CABYR: variants seen among roughly 807,000 people sequenced by gnomAD.
The protein encoded by CABYR is calcium-binding tyrosine phosphorylation-regulated protein.
CABYR carries 31 observed loss-of-function variants against 36.1 expected under a neutral mutation model. The ratio of observed to expected loss-of-function variants is 0.86; its 90% CI spans 0.64 to 1.16. The LOEUF is 1.16. Among genes scored for constraint, CABYR ranks in the 50% most tolerant of loss-of-function variants. CABYR has a pLI of 0.00. For missense variants in CABYR, 429 were observed against 455.8 expected (o/e 0.94, Z 0.53); for synonymous variants, 146 against 160.7 (o/e 0.91, Z 0.69).
In CABYR at chr18:24,159,965, T is replaced by C; in HGVS notation, c.1035T>C (p.Ser345=). The change falls in exon 5 of 6, where the codon AGT becomes AGC. Residue 345 remains serine, a synonymous_variant. Transcript: ENST00000399496. ...AFPVEDVAKK[S]SGSGDKCAPF... ...CAGTAGAAGATGTAGCTAAAAAAAG[T>C]TCAGGATCTGGTGACAAATGTGCTC... 7 of 1,614,140 alleles carry C rather than the reference T, an allele frequency of 4.3e-6. No individual in the cohort carries two copies. The highest frequency in any genetic ancestry group is 5.9e-6 in the Non-Finnish European group (7 of 1,180,020).
chr18:24,146,389 T>C (rs2145859159), intron 3 of CABYR, among the ~76,000 whole-genome samples: 1 of 151,992 alleles, frequency 6.6e-6, no homozygotes, highest in Non-Finnish European at 1.5e-5. Context: ...ATGTAAGAGA[T>C]GTATATGGAA....
In CABYR at chr18:24,159,558, C is replaced by G; in HGVS notation, c.628C>G (p.His210Asp). 6.2e-7 allele frequency: 1 copy of G among 1,614,070 alleles called. No individual in the cohort carries two copies. The highest frequency in any genetic ancestry group is 8.5e-7 in the Non-Finnish European group (1 of 1,180,028). ...YCLTDKNQQG[H>D]PSPPPAPGPF... Reference sequence around the variant, plus strand: ...TCTAACTGATAAGAATCAACAAGGTCACCCATCACCGCCACCTGCACCTGG... The same window carrying G: ...TCTAACTGATAAGAATCAACAAGGTGACCCATCACCGCCACCTGCACCTGG... The change falls in exon 5 of 6, where the codon CAC becomes GAC. Residue 210 changes from histidine to aspartate, a missense_variant. By Grantham distance (81) the His-to-Asp change is moderately conservative. Transcript: ENST00000399496.
At chr18:24,154,359 A>G (rs2085717140) in intron 3 of CABYR, among the ~76,000 whole-genome samples, 1 of 152,152 alleles carries the variant, frequency 6.6e-6, no homozygotes, top group African/African-American at 2.4e-5. Flanking sequence ...TAAAAACTGG[A>G]TGGGAAAGTC....
intron 3 of CABYR, 74 bp from the exon 4 acceptor site, chr18:24,155,627 C>A: frequency 1.8e-6 from 2 of 1,139,194 alleles, no homozygotes; most frequent in South Asian, 1.6e-5. Context: ...CCTATTATTG[C>A]CTTCTTTAAA....
intron 3 of CABYR, among the ~76,000 whole-genome samples, chr18:24,151,330 C>G (rs1401454725): frequency 2.0e-5 from 3 of 152,116 alleles, no homozygotes; most frequent in African/African-American, 7.2e-5. Flanking sequence ...TAGTTATGTT[C>G]CTAATTCTCA....
chr18:24,159,419 A>T, intron 4 of CABYR, 53 bp from the exon 5 acceptor site: 1 of 1,209,370 alleles, frequency 8.3e-7, no homozygotes, highest in Non-Finnish European at 1.2e-6. Flanking sequence ...TACTATGCAT[A>T]GTGCCTGATA....
At chr18:24,147,439 T>C (rs1425353824) in intron 3 of CABYR, among the ~76,000 whole-genome samples, 1 of 152,196 alleles carries the variant, frequency 6.6e-6, no homozygotes, top group African/African-American at 2.4e-5. Context: ...TTACGATTTC[T>C]ATTTAGCTTT....
chr18:24,149,825 G>A (rs1252925222), intron 3 of CABYR, among the ~76,000 whole-genome samples: 1 of 152,248 alleles, frequency 6.6e-6, no homozygotes, highest in Non-Finnish European at 1.5e-5. Context: ...CCCGGGGCTG[G>A]CAGGGCCGGC....
chr18:24,160,364 T>G (rs1012639239), intron 5 of CABYR: 1 of 324,208 alleles, frequency 3.1e-6, no homozygotes, highest in Non-Finnish European at 5.6e-6. Context: ...AACACAGTGG[T>G]AGATGCGAAA....
chr18:24,153,431 G>A (rs1461363050), intron 3 of CABYR, among the ~76,000 whole-genome samples: 1 of 152,156 alleles, frequency 6.6e-6, no homozygotes, highest in African/African-American at 2.4e-5. Context: ...GCTAATGAGT[G>A]CGAATTCTCC....
intron 3 of CABYR, among the ~76,000 whole-genome samples, chr18:24,148,103 CTT>C (rs1041312036): frequency 6.6e-6 from 1 of 152,148 alleles, no homozygotes; most frequent in African/African-American, 2.4e-5. Context: ...GAAAGGAACA[CTT>C]TTGCAAGTTT....
chr18:24,150,539 T>G (rs2085593945), intron 3 of CABYR: 1 of 970,790 alleles, frequency 1.0e-6, no homozygotes, highest in Admixed American at 6.2e-5. Context: ...CTTTGATAGA[T>G]GGTGCAACTA....
chr18:24,157,147 T>G, intron 4 of CABYR: 2 of 641,104 alleles, frequency 3.1e-6, no homozygotes, highest in South Asian at 4.1e-5. Context: ...AAGACTTTGT[T>G]GTATTTGAGA....
intron 3 of CABYR, among the ~76,000 whole-genome samples, chr18:24,143,844 A>T (rs1011759405): frequency 2.6e-5 from 4 of 151,998 alleles, no homozygotes; most frequent in Admixed American, 1.3e-4. Context: ...CATAGTTATA[A>T]AGACTCAAAT....
chr18:24,142,136 A>G (rs1160915999), intron 1 of CABYR, among the ~76,000 whole-genome samples: 1 of 152,132 alleles, frequency 6.6e-6, no homozygotes, highest in Non-Finnish European at 1.5e-5. Flanking sequence ...CCTGGCCAAG[A>G]TGGTGAAACC....
At position 24,160,045 on chromosome 18, in the gene CABYR, G is replaced by A. The variant is rs144780313; in HGVS notation, c.1115G>A (p.Arg372His). 1,466 of 1,612,538 alleles carry A rather than the reference G, an allele frequency of 9.1e-4. 19 individuals are homozygous for A. The Admixed American group carries it at 0.013, about 14-fold the overall frequency. The change falls in exon 5 of 6, where the codon CGT becomes CAT. Residue 372 changes from arginine to histidine, a missense_variant. Coordinates refer to ENST00000399496, the MANE Select transcript of CABYR (RefSeq NM_153769.3). ...GTAACCGTGACTACTGCTCACAAAC[G>A]TCGCAAAGCAGAAACTGAAAACTGG... Reference protein sequence around the residue: ...GEVTVTTAHKRRKAETEN With the variant: ...GEVTVTTAHKHRKAETEN
At chr18:24,156,441 G>C (rs372529233) in intron 4 of CABYR, 1 of 1,614,020 alleles carries the variant, frequency 6.2e-7, no homozygotes, top group African/African-American at 1.3e-5. Context: ...GCAACTGCCA[G>C]AACAAATAGT....
At chr18:24,148,169 T>C (rs903298732) in intron 3 of CABYR, among the ~76,000 whole-genome samples, 28 of 152,308 alleles carry the variant, frequency 1.8e-4, no homozygotes, top group African/African-American at 6.7e-4. Context: ...ATACAATTTA[T>C]GGTAAGGGAG....
At chr18:24,140,500 T>G (rs1390892317) in intron 1 of CABYR, among the ~76,000 whole-genome samples, 1 of 7,484 alleles carries the variant, frequency 1.3e-4, no homozygotes, top group East Asian at 0.014. Context: ...ACATACAATG[T>G]TAATCACATT....
Sources: allele counts gnomAD v4.1 joint callset (sites outside exome capture counted in the v4.1 genomes callset), GRCh38; gene constraint gnomAD v4.1.1; transcripts MANE v1.5; gene names NCBI Gene and HGNC (gene_info 2026-07-23, HGNC 2026-07-21).